Variants in ADGRB3 observed in about 807,000 individuals in gnomAD.
The protein encoded by ADGRB3 is adhesion G protein-coupled receptor B3.
In ADGRB3, 37 loss-of-function variants were observed where a neutral mutation model predicts 193.4. The observed-to-expected ratio is 0.19, with a 90% CI of 0.15 to 0.25. The LOEUF (loss-of-function observed/expected upper bound fraction) is 0.25, where lower values mean the gene tolerates loss of function less well. Ranked by LOEUF, ADGRB3 falls within the 10% of genes least tolerant of loss-of-function variation. The pLI is 1.00. For missense variants in ADGRB3, 1,637 were observed against 1,852.9 expected, an observed-to-expected ratio of 0.88 and a Z score of 2.14; for synonymous variants, 690 against 644.2, an observed-to-expected ratio of 1.07 and a Z score of -1.08.
chr6:68,824,243 C>G (rs1767800627), intron 3 of ADGRB3, among the ~76,000 whole-genome samples: 1 of 125,098 alleles, frequency 8.0e-6, no homozygotes, highest in African/African-American at 3.1e-5. Context: ...TTCTTTATAT[C>G]TCTGTGAAGA....
intron 3 of ADGRB3, among the ~76,000 whole-genome samples, chr6:68,842,864 A>G (rs558258142): frequency 2.6e-5 from 4 of 152,198 alleles, no homozygotes; most frequent in African/African-American, 9.6e-5. Context: ...AGGATAGTTC[A>G]ATGTATGCAA....
At position 68,807,288 on chromosome 6, in the gene ADGRB3, T is replaced by G. The variant is rs377193034; in HGVS notation, c.758-123271T>G. Among the ~76,000 whole-genome samples the G allele has an allele frequency of 2.9e-5, 4 of 136,554 alleles. No homozygotes were observed. In the East Asian group the frequency reaches 8.9e-4, roughly 30 times the overall value. The allele number at this position is 136,554 out of a possible 152,430, so 89.6% of individuals were successfully genotyped here. A position where few individuals can be genotyped will look rare whatever the true frequency, so the allele number is the denominator to read the frequency against. On this transcript the variant is annotated intron_variant, in intron 3 of 31. Coordinates refer to ENST00000370598, the MANE Select transcript of ADGRB3 (RefSeq NM_001704.3). ...AGTCTCGCTATCGCCCAGGTTGGAG[T>G]GCAGTGTGGCGCGATCTCAGCTCAC...
At chr6:69,131,708 T>C (rs1248071805) in intron 17 of ADGRB3, among the ~76,000 whole-genome samples, 1 of 152,036 alleles carries the variant, frequency 6.6e-6, no homozygotes, top group African/African-American at 2.4e-5. Flanking sequence ...ATGTATGCCA[T>C]GGTGGTTTGC....
intron 15 of ADGRB3, among the ~76,000 whole-genome samples, chr6:69,057,243 C>G (rs1299824550): frequency 6.6e-6 from 1 of 152,020 alleles, no homozygotes; most frequent in African/African-American, 2.4e-5. Flanking sequence ...AATTTTCTTG[C>G]ATTCTGCAAC....
chr6:69,240,573 C>T (rs142494503), intron 20 of ADGRB3, among the ~76,000 whole-genome samples: 158 of 151,232 alleles, frequency 1.0e-3, no homozygotes, highest in Non-Finnish European at 1.9e-3. Flanking sequence ...GAGAGGGATG[C>T]CAATCAGAAT....
chr6:68,883,645 A>G (rs962163868), intron 3 of ADGRB3, among the ~76,000 whole-genome samples: 3 of 152,084 alleles, frequency 2.0e-5, no homozygotes, highest in Non-Finnish European at 2.9e-5. Flanking sequence ...AAGCTGTAAC[A>G]CTCACCGCAA....
chr6:69,357,492 T>C (rs1769360729), intron 28 of ADGRB3, among the ~76,000 whole-genome samples: 1 of 151,944 alleles, frequency 6.6e-6, no homozygotes, highest in Non-Finnish European at 1.5e-5. Flanking sequence ...CAAACTGTAG[T>C]TAAAAGAGTT....
intron 3 of ADGRB3, among the ~76,000 whole-genome samples, chr6:68,694,672 A>G (rs1354892420): frequency 1.3e-5 from 2 of 151,646 alleles, no homozygotes; most frequent in Non-Finnish European, 2.9e-5. Flanking sequence ...CCCTTTTTTG[A>G]TGGTCATTCT....
chr6:68,923,485 T>C (rs1767101331), intron 3 of ADGRB3, among the ~76,000 whole-genome samples: 1 of 152,126 alleles, frequency 6.6e-6, no homozygotes, highest in Non-Finnish European at 1.5e-5. Context: ...TAATCAAATC[T>C]TTAACCTTCA....
intron 3 of ADGRB3, among the ~76,000 whole-genome samples, chr6:68,857,274 C>T (rs1765015011): frequency 2.0e-5 from 3 of 152,134 alleles, no homozygotes; most frequent in Non-Finnish European, 2.9e-5. Flanking sequence ...TCCTCCAGAC[C>T]CCTGAATGGT....
At chr6:68,782,777 A>G (rs1259336279) in intron 3 of ADGRB3, among the ~76,000 whole-genome samples, 4 of 152,060 alleles carry the variant, frequency 2.6e-5, no homozygotes, top group Non-Finnish European at 5.9e-5. Flanking sequence ...TCTTCTTTTG[A>G]GAAGTGTCTG....
At chr6:69,266,766 T>C (rs1767050472) in intron 20 of ADGRB3, among the ~76,000 whole-genome samples, 1 of 152,014 alleles carries the variant, frequency 6.6e-6, no homozygotes, top group Non-Finnish European at 1.5e-5. Flanking sequence ...TATTTGGAGA[T>C]AGAGCATTGC....
Position 68,716,972 on chromosome 6 carries a change from G to A in ADGRB3, c.757+77540G>A, listed in dbSNP as rs567764600. Among the ~76,000 whole-genome samples, 11 of 151,678 alleles carry A rather than the reference G, an allele frequency of 7.3e-5. No individual in the cohort carries two copies. The East Asian group carries it at 1.8e-3, about 24-fold the overall frequency. On this transcript the variant is annotated intron_variant, in intron 3 of 31. Coordinates refer to ENST00000370598, the MANE Select transcript of ADGRB3 (RefSeq NM_001704.3). ...TCTCATGTTCTTTATTTTCCATGAA[G>A]AGACATTGTGATAAAGCCGGCTTTC...
At chr6:69,345,409 A>G (rs1409015532) in intron 26 of ADGRB3, among the ~76,000 whole-genome samples, 1 of 152,212 alleles carries the variant, frequency 6.6e-6, no homozygotes, top group Non-Finnish European at 1.5e-5. Context: ...CACTTTGATC[A>G]AATTGGCTTC....
At chr6:68,830,718 A>C (rs2127383716) in intron 3 of ADGRB3, among the ~76,000 whole-genome samples, 1 of 152,198 alleles carries the variant, frequency 6.6e-6, no homozygotes, top group Non-Finnish European at 1.5e-5. Flanking sequence ...GGCTTTTACT[A>C]CTTGATTATA....
Position 68,891,662 on chromosome 6 carries a change from C to T in ADGRB3, c.758-38897C>T, listed in dbSNP as rs59342199. On this transcript the variant is annotated intron_variant, in intron 3 of 31. Transcript: ENST00000370598. ...AGAGGGTTCAGGTTTAGTTAATACT[C>T]ATGAGGAAAACAAAACACTTATGAG... Among the ~76,000 whole-genome samples, 250 of 152,220 alleles carry T rather than the reference C, an allele frequency of 1.6e-3. 3 individuals carry two copies. Among genetic ancestry groups the T allele is most frequent in the African/African-American group, 5.8e-3 (241 of 41,530 alleles).
chr6:69,318,093 T>G (rs1405147325), intron 20 of ADGRB3, among the ~76,000 whole-genome samples: 1 of 151,378 alleles, frequency 6.6e-6, no homozygotes, highest in African/African-American at 2.4e-5. Context: ...TGTATTGTTT[T>G]CGTGAGAAAC....
At chr6:69,153,106 A>C (rs1300401307) in intron 17 of ADGRB3, among the ~76,000 whole-genome samples, 17 of 152,182 alleles carry the variant, frequency 1.1e-4, no homozygotes, top group Non-Finnish European at 2.5e-4. Flanking sequence ...TATATTTAAA[A>C]TGTAGGAAAC....
At chr6:68,751,935 G>T (rs1766207361) in intron 3 of ADGRB3, among the ~76,000 whole-genome samples, 2 of 152,034 alleles carry the variant, frequency 1.3e-5, no homozygotes, top group African/African-American at 4.8e-5. Context: ...ATTAATAACT[G>T]GGAACTCATT....
Sources: gnomAD v4.1 joint callset for allele counts (sites outside exome capture counted in the v4.1 genomes callset) on GRCh38, gnomAD v4.1.1 for gene constraint, MANE v1.5 for transcripts, NCBI Gene and HGNC (gene_info 2026-07-23, HGNC 2026-07-21) for gene names.